Variants in CD226 observed in about 807,000 individuals in gnomAD.
The protein encoded by CD226 is CD226 molecule, also known as CD226 antigen.
Under a neutral mutation model 34.9 loss-of-function variants are expected in CD226, and 24 were observed. That is an observed-to-expected ratio of 0.69 (90% CI 0.50 to 0.97). The LOEUF (loss-of-function observed/expected upper bound fraction) is 0.97, where lower values mean the gene tolerates loss of function less well. CD226 is among the 50% of genes least tolerant of loss of function. The probability of loss-of-function intolerance (pLI) is 0.00; values close to 1 mark genes in which losing one functional copy is unlikely to be tolerated. For missense variants in CD226, 397 were observed against 412.7 expected (o/e 0.96, Z 0.33); for synonymous variants, 148 against 147.4 (o/e 1.00, Z -0.03).
At chr18:69,948,778 T>G (rs2055821733), upstream of CD226, among the ~76,000 whole-genome samples, 1 of 152,248 alleles carries the variant, frequency 6.6e-6, no homozygotes, top group African/African-American at 2.4e-5. Flanking sequence ...CTCCAAATTG[T>G]ACTGAGTTAT....
chr18:69,887,818 T>C (rs1416416843), intron 3 of CD226, among the ~76,000 whole-genome samples: 2 of 152,228 alleles, frequency 1.3e-5, no homozygotes, highest in African/African-American at 4.8e-5. Flanking sequence ...GAGTGCTCAA[T>C]GAAGATTGCA....
chr18:69,939,649 T>C (rs559350226), intron 2 of CD226, among the ~76,000 whole-genome samples: 1 of 152,362 alleles, frequency 6.6e-6, no homozygotes, highest in South Asian at 2.1e-4. Context: ...TTTGGGGTTT[T>C]TAACTAGCTA....
intron 2 of CD226, among the ~76,000 whole-genome samples, chr18:69,916,210 C>A (rs911416554): frequency 6.6e-6 from 1 of 152,048 alleles, no homozygotes; most frequent in Non-Finnish European, 1.5e-5. Context: ...ATACCACAAA[C>A]AAAACTAAAA....
intron 2 of CD226, among the ~76,000 whole-genome samples, chr18:69,930,228 T>G (rs2055572812): frequency 6.6e-6 from 1 of 152,174 alleles, no homozygotes; most frequent in Non-Finnish European, 1.5e-5. Context: ...CAATATGGTT[T>G]GAGATAAATG....
At chr18:69,910,992 GAAT>G (rs977057454) in intron 2 of CD226, among the ~76,000 whole-genome samples, 1 of 152,152 alleles carries the variant, frequency 6.6e-6, no homozygotes, top group African/African-American at 2.4e-5. Flanking sequence ...TAGGAAAGAG[GAAT>G]AATAATGAGT....
intron 2 of CD226, among the ~76,000 whole-genome samples, chr18:69,916,677 C>G (rs1006260941): frequency 6.6e-6 from 1 of 152,164 alleles, no homozygotes; most frequent in Non-Finnish European, 1.5e-5. Flanking sequence ...CACGGTTCAT[C>G]CACTAGGGTA....
chr18:69,930,203 G>C (rs1051603495), intron 2 of CD226, among the ~76,000 whole-genome samples: 2 of 152,168 alleles, frequency 1.3e-5, no homozygotes, highest in African/African-American at 4.8e-5. Context: ...TGAGTGTTTT[G>C]AATGAAGGCT....
Position 69,859,701 on chromosome 18 carries a change from G to T in CD226, c.*4613C>A. The T allele has an allele frequency of 6.6e-6, 1 of 152,046 alleles. No homozygotes were observed. Among genetic ancestry groups the T allele is most frequent in the East Asian group, 1.9e-4 (1 of 5,158 alleles). The allele number at this position is 152,046 out of a possible 1,614,324, so 9.4% of individuals were successfully genotyped here. On this transcript the variant is annotated 3_prime_UTR_variant, in exon 6 of 6. Coordinates refer to ENST00000582621, the MANE Select transcript of CD226 (RefSeq NM_001303618.2). ...ATGAGGAAGGGCAAGGGACTACTAT[G>T]TTTCGGGAAAAACAAAAACAAACAA... is the stretch of plus-strand genomic sequence containing the variant.
chr18:69,904,262 C>G (rs1056385723), intron 2 of CD226, among the ~76,000 whole-genome samples: 1 of 152,200 alleles, frequency 6.6e-6, no homozygotes, highest in Non-Finnish European at 1.5e-5. Context: ...CATGGCAAAT[C>G]AGGATTCAGC....
chr18:69,871,958 G>T (rs144224191), intron 4 of CD226, among the ~76,000 whole-genome samples: 3 of 152,136 alleles, frequency 2.0e-5, no homozygotes, highest in Admixed American at 6.5e-5. Context: ...GGCTGGAGAC[G>T]TTACCAAAAC....
At chr18:69,877,672 T>G (rs1038615357) in intron 3 of CD226, among the ~76,000 whole-genome samples, 1 of 152,186 alleles carries the variant, frequency 6.6e-6, no homozygotes, top group Non-Finnish European at 1.5e-5. Context: ...AGGCCTGAAG[T>G]GCCCCAACAT....
chr18:69,958,004 C>G (rs1200781203), upstream of CD226, among the ~76,000 whole-genome samples: 1 of 152,200 alleles, frequency 6.6e-6, no homozygotes, highest in African/African-American at 2.4e-5. Context: ...GGACAATGCT[C>G]TAATGGGGCA....
chr18:69,869,908 C>A (rs548966858), intron 4 of CD226, among the ~76,000 whole-genome samples: 1 of 148,992 alleles, frequency 6.7e-6, no homozygotes, highest in Non-Finnish European at 1.5e-5. Flanking sequence ...TCAAGTGATT[C>A]TCCTGCCTCA....
rs1243654717 is a variant in CD226 at position 69,860,708 on chromosome 18, G to T, written c.*3606C>A. Reference sequence around the variant, plus strand: ...AGTGAAAAAATATACTTATACAGAAGTCTGAAGGTGGAGATCAGTACTTTC... The same window carrying T: ...AGTGAAAAAATATACTTATACAGAATTCTGAAGGTGGAGATCAGTACTTTC... On this transcript the variant is annotated 3_prime_UTR_variant, in exon 6 of 6. Transcript: ENST00000582621. 6.6e-6 allele frequency: 1 copy of T among 152,102 alleles called. No homozygotes were observed. The highest frequency in any genetic ancestry group is 1.5e-5 in the Non-Finnish European group (1 of 67,974). 9.4% of individuals were successfully genotyped at this position (152,102 alleles called of 1,614,324 possible).
chr18:69,899,952 C>T (rs1168688633), intron 2 of CD226, among the ~76,000 whole-genome samples: 1 of 152,160 alleles, frequency 6.6e-6, no homozygotes, highest in Non-Finnish European at 1.5e-5. Flanking sequence ...GAATATAAAT[C>T]ATCCCACTAT....
At chr18:69,915,268 C>T (rs1212631112) in intron 2 of CD226, among the ~76,000 whole-genome samples, 1 of 152,132 alleles carries the variant, frequency 6.6e-6, no homozygotes, top group Non-Finnish European at 1.5e-5. Flanking sequence ...TACACTTTAG[C>T]AAATGATCAA....
intron 3 of CD226, among the ~76,000 whole-genome samples, chr18:69,889,940 C>T (rs1984789768): frequency 6.6e-6 from 1 of 152,018 alleles, no homozygotes; most frequent in Non-Finnish European, 1.5e-5. Flanking sequence ...ATTAAAAATT[C>T]AAAATAAGAA....
Position 69,863,483 on chromosome 18 carries a change from C to T in CD226, c.*831G>A, listed in dbSNP as rs1226833984. 6.6e-6 allele frequency: 1 copy of T among 152,124 alleles called. No homozygotes were observed. Among genetic ancestry groups the T allele is most frequent in the African/African-American group, 2.4e-5 (1 of 41,412 alleles). The allele number at this position is 152,124 out of a possible 1,614,324, so 9.4% of individuals were successfully genotyped here. ...AGAATAGTAAAGGATTGCCCTCTCG[C>T]ATTTATCTTCCTCTTGAATATTCAT... On this transcript the variant is annotated 3_prime_UTR_variant, in exon 6 of 6. Transcript: ENST00000582621.
chr18:69,896,842 A>G (rs996905632), intron 2 of CD226, among the ~76,000 whole-genome samples: 3 of 152,216 alleles, frequency 2.0e-5, no homozygotes, highest in Non-Finnish European at 2.9e-5. Flanking sequence ...TCAGATATAC[A>G]GGGTTGTCTT....
Sources: allele counts gnomAD v4.1 joint callset (sites outside exome capture counted in the v4.1 genomes callset), GRCh38; gene constraint gnomAD v4.1.1; transcripts MANE v1.5; gene names NCBI Gene and HGNC (gene_info 2026-07-23, HGNC 2026-07-21).